The following WDR62 variants were observed in gnomAD, a reference collection of about 807,000 sequenced individuals.
WDR62 encodes WD repeat-containing protein 62.
Under a neutral mutation model 160.6 loss-of-function variants are expected in WDR62, and 112 were observed. The observed-to-expected ratio is 0.70, with a 90% CI of 0.60 to 0.82. WDR62 has a LOEUF of 0.82. WDR62 is among the 40% of genes least tolerant of loss of function. The pLI is 0.00. For missense variants in WDR62, 1,819 were observed against 1,983.8 expected (o/e 0.92, Z 1.58); for synonymous variants, 792 against 815.1 (o/e 0.97, Z 0.48).
At chr19:36,094,288 T>C in intron 20 of WDR62, 124 bp downstream of exon 20, 2 of 1,267,048 alleles carry the variant, frequency 1.6e-6, no homozygotes, top group Admixed American at 1.9e-5. Flanking sequence ...GTGCGGTGGC[T>C]GATACCTGTA....
intron 7 of WDR62, among the ~76,000 whole-genome samples, chr19:36,069,200 G>A (rs1261258807): frequency 6.6e-6 from 1 of 151,592 alleles, no homozygotes. Flanking sequence ...GGGACGGGGC[G>A]GCTGCTGGGC....
chr19:36,074,868 GCT>G (rs1971493302), intron 9 of WDR62, among the ~76,000 whole-genome samples: 1 of 152,108 alleles, frequency 6.6e-6, no homozygotes, highest in Admixed American at 6.6e-5. Flanking sequence ...CCCCAGTTCT[GCT>G]CTCTCTCGCC....
chr19:36,084,352 C>CGGT, intron 11 of WDR62, among the ~76,000 whole-genome samples: 1 of 152,142 alleles, frequency 6.6e-6, no homozygotes, highest in East Asian at 1.9e-4. Context: ...CCAGGGACCA[C>CGGT]CTCTGATGCA....
rs531194281 is a variant in WDR62 at position 36,058,951 on chromosome 19, C to G, written c.269+80C>G. Reference sequence around the variant, plus strand: ...AACCTGAAGCCATCCGTAAATCGCTCTGAGCCTCATATTTTTCACCTGTAG... The same window carrying G: ...AACCTGAAGCCATCCGTAAATCGCTGTGAGCCTCATATTTTTCACCTGTAG... On this transcript the variant is annotated intron_variant, in intron 2 of 31. Transcript: ENST00000401500. The G allele has an allele frequency of 8.5e-6, 10 of 1,182,534 alleles. No homozygotes were observed. In the South Asian group the frequency reaches 1.2e-4, roughly 14 times the overall value. 73.3% of individuals were successfully genotyped at this position (1,182,534 alleles called of 1,614,324 possible).
At chr19:36,068,215 T>G (rs1215140672) in intron 7 of WDR62, among the ~76,000 whole-genome samples, 2 of 152,168 alleles carry the variant, frequency 1.3e-5, no homozygotes, top group Non-Finnish European at 2.9e-5. Flanking sequence ...TCACGTGAGA[T>G]AACATAGGCA....
rs114941097 is a variant in WDR62 at position 36,059,875 on chromosome 19, T to C, written c.270-93T>C. On this transcript the variant is annotated intron_variant, in intron 2 of 31. Coordinates refer to ENST00000401500, the MANE Select transcript of WDR62 (RefSeq NM_001083961.2). The stretch of plus-strand genomic sequence containing the variant: ...GGAGACCAGAGAGAACCGAGGGAGC[T>C]TGTTTATTTGTGGGCTTTTCTGGTG... 4.1e-3 allele frequency: 5,570 copies of C among 1,347,000 alleles called. 184 individuals are homozygous for C. In the African/African-American group the frequency reaches 0.072, roughly 17 times the overall value. 83.4% of individuals were successfully genotyped at this position (1,347,000 alleles called of 1,614,324 possible). A position where few individuals can be genotyped will look rare whatever the true frequency, so the allele number is the denominator to read the frequency against.
chr19:36,059,496 T>C (rs968652020), intron 2 of WDR62, among the ~76,000 whole-genome samples: 9 of 152,124 alleles, frequency 5.9e-5, no homozygotes, highest in Admixed American at 2.0e-4. Flanking sequence ...TAGAATGCAA[T>C]AGTGTGAATA....
At chr19:36,081,348 A>G in intron 9 of WDR62, 85 bp from the exon 10 acceptor site, 2 of 1,462,886 alleles carry the variant, frequency 1.4e-6, no homozygotes, top group South Asian at 1.1e-5. Context: ...TCTTTAACTT[A>G]CTTTTTTTTT....
At chr19:36,059,379 G>A (rs1465101058) in intron 2 of WDR62, among the ~76,000 whole-genome samples, 2 of 152,120 alleles carry the variant, frequency 1.3e-5, no homozygotes, top group Admixed American at 6.5e-5. Flanking sequence ...CTAAATAGTC[G>A]TGACCTGACC....
At chr19:36,084,586 A>G (rs1972091399) in intron 11 of WDR62, 67 bp from the exon 12 acceptor site, 1 of 1,469,314 alleles carries the variant, frequency 6.8e-7, no homozygotes, top group Non-Finnish European at 9.5e-7. Context: ...ATTCTGACCT[A>G]TTCTAGAAGT....
rs1267822702 is a variant in WDR62 at position 36,100,855 on chromosome 19, G to A, written c.2847G>A (p.Val949=). The A allele has an allele frequency of 1.9e-6, 3 of 1,614,120 alleles. No homozygotes were observed. In the African/African-American group the frequency reaches 4.0e-5, roughly 22 times the overall value. Residue 949 remains valine, a synonymous_variant, in exon 23 of 32, where the codon GTG becomes GTA. Transcript: ENST00000401500. The part of the protein sequence containing the change: ...ELILYSLEAE[V]TVTGTDSQYC... ...TCCTCTACTCTCTGGAGGCAGAAGTGACAGTCACAGGGACAGACAGGTGGG... is the reference window on the plus strand; with the variant it reads ...TCCTCTACTCTCTGGAGGCAGAAGTAACAGTCACAGGGACAGACAGGTGGG...
At chr19:36,066,538 A>G (rs1970952571) in intron 5 of WDR62, 111 bp downstream of exon 5, 1 of 1,212,430 alleles carries the variant, frequency 8.2e-7, no homozygotes. Context: ...CACTCACCCA[A>G]CAGATAACAG....
chr19:36,095,852 C>G (rs966710678), intron 20 of WDR62, among the ~76,000 whole-genome samples: 2 of 152,212 alleles, frequency 1.3e-5, no homozygotes, highest in African/African-American at 4.8e-5. Context: ...TGTCCGGAAT[C>G]TTTTTCCTCT....
intron 22 of WDR62, 29 bp downstream of exon 22, chr19:36,099,646 T>C (rs1355032783): frequency 1.2e-6 from 2 of 1,610,684 alleles, no homozygotes; most frequent in African/African-American, 1.3e-5. Context: ...GCCTGGCCCA[T>C]AGCCCCGGCA....
intron 13 of WDR62, 53 bp from the exon 14 acceptor site, chr19:36,088,985 C>A: frequency 6.3e-7 from 1 of 1,598,830 alleles, no homozygotes; most frequent in South Asian, 1.1e-5. Flanking sequence ...CAGCTAGGGT[C>A]CCCTGCCCAT....
At chr19:36,102,236 C>A in intron 26 of WDR62, 85 bp downstream of exon 26, 1 of 1,592,722 alleles carries the variant, frequency 6.3e-7, no homozygotes, top group Non-Finnish European at 8.6e-7. Context: ...GGCTCCCCAG[C>A]AGGGCCAGGA....
At chr19:36,060,377 G>T in intron 3 of WDR62, 1 of 313,034 alleles carries the variant, frequency 3.2e-6, no homozygotes, top group Non-Finnish European at 6.2e-6. Context: ...AGGGAACGCT[G>T]CCTTGACTCT....
rs760672019 is a variant in WDR62 at position 36,103,637 on chromosome 19, C to T, written c.3809C>T (p.Thr1270Ile). The stretch of plus-strand genomic sequence containing the variant: ...GGCCAGGAGCTTCAGGCCATCACCA[C>T]CGCGACAACACCCAGTTTGGACAGT... ...SLGQELQAIT[T>I]ATTPSLDSEG... The change falls in exon 30 of 32, where the codon ACC becomes ATC. Residue 1270 changes from threonine to isoleucine, a missense_variant. By Grantham distance (89) the Thr-to-Ile change is moderately conservative (BLOSUM62 -1). Around this residue, in one of 3 missense-constraint regions of WDR62, gnomAD observed 770 missense variants for 734.2 expected, o/e 1.05. Coordinates refer to ENST00000401500, the MANE Select transcript of WDR62 (RefSeq NM_001083961.2). The T allele has an allele frequency of 2.5e-6, 4 of 1,610,778 alleles. No homozygotes were observed. The African/African-American group carries it at 4.0e-5, about 16-fold the overall frequency.
chr19:36,104,021 A>G (rs540072786), intron 30 of WDR62, 40 bp downstream of exon 30: 1 of 1,595,816 alleles, frequency 6.3e-7, no homozygotes. Flanking sequence ...CCCTAAGCTC[A>G]TCCTGTGTGC....
Sources: gnomAD v4.1 joint callset for allele counts (sites outside exome capture counted in the v4.1 genomes callset) on GRCh38, gnomAD v4.1.1 for gene constraint, gnomAD v4.1.1 regional missense constraint, MANE v1.5 for transcripts, NCBI Gene and HGNC (gene_info 2026-07-23, HGNC 2026-07-21) for gene names.